MARCHF8: variants seen among roughly 807,000 people sequenced by gnomAD.
MARCHF8 encodes the protein E3 ubiquitin-protein ligase MARCHF8.
Under a neutral mutation model 51.6 loss-of-function variants are expected in MARCHF8, and 40 were observed. The observed-to-expected ratio is 0.77, with a 90% CI of 0.60 to 1.01. The LOEUF is 1.01. Among genes scored for constraint, MARCHF8 ranks in the 50% least tolerant of loss-of-function variants. The probability of loss-of-function intolerance (pLI) is 0.00; values close to 1 mark genes in which losing one functional copy is unlikely to be tolerated. For missense variants in MARCHF8, 685 were observed against 708.6 expected (o/e 0.97, Z 0.38); for synonymous variants, 263 against 280.3 (o/e 0.94, Z 0.62).
At chr10:45,574,602 A>C (rs959815921) in intron 1 of MARCHF8, among the ~76,000 whole-genome samples, 3 of 152,160 alleles carry the variant, frequency 2.0e-5, no homozygotes, top group Non-Finnish European at 4.4e-5. Flanking sequence ...CACCTCAGTC[A>C]AGCCAGTGTT....
chr10:45,576,605 G>A (rs900541277), intron 1 of MARCHF8, among the ~76,000 whole-genome samples: 5 of 151,918 alleles, frequency 3.3e-5, no homozygotes, highest in South Asian at 2.1e-4. Flanking sequence ...GGGTATGAAC[G>A]TGTCCCCAAA....
chr10:45,487,054 G>A (rs543736464), intron 3 of MARCHF8, among the ~76,000 whole-genome samples: 2 of 150,978 alleles, frequency 1.3e-5, no homozygotes, highest in East Asian at 2.0e-4. Flanking sequence ...CAGGTGATCC[G>A]CCCGCTTCAG....
intron 2 of MARCHF8, among the ~76,000 whole-genome samples, chr10:45,512,210 G>A (rs1299178421): frequency 2.7e-5 from 4 of 148,980 alleles, no homozygotes; most frequent in African/African-American, 5.0e-5. Context: ...CCTGGCAACC[G>A]CCCCGTCTGA....
intron 1 of MARCHF8, among the ~76,000 whole-genome samples, chr10:45,553,672 C>T (rs897690780): frequency 1.3e-4 from 20 of 152,000 alleles, no homozygotes; most frequent in Non-Finnish European, 1.5e-5. Context: ...ATGAAATAGA[C>T]AAAAAGGCAT....
intron 1 of MARCHF8, among the ~76,000 whole-genome samples, chr10:45,575,681 A>G (rs571960414): frequency 1.3e-5 from 2 of 152,266 alleles, no homozygotes; most frequent in East Asian, 3.9e-4. Context: ...TATTTTTCTT[A>G]TTAATATAAG....
chr10:45,459,739 C>T, intron 6 of MARCHF8: 1 of 985,470 alleles, frequency 1.0e-6, no homozygotes. Flanking sequence ...AAGACGCTCA[C>T]TCTTTGGTCC....
upstream of MARCHF8, among the ~76,000 whole-genome samples, chr10:45,535,618 A>G (rs1401619931): frequency 1.3e-5 from 2 of 152,244 alleles, no homozygotes; most frequent in East Asian, 3.8e-4. Context: ...TATGCCACAC[A>G]TATTTAGGAT....
intron 2 of MARCHF8, among the ~76,000 whole-genome samples, chr10:45,532,157 C>T (rs1367571934): frequency 6.6e-6 from 1 of 152,092 alleles, no homozygotes; most frequent in Non-Finnish European, 1.5e-5. Context: ...CTTCCCAATA[C>T]CAATAAAAAT....
At chr10:45,520,313 T>C (rs886672877) in intron 2 of MARCHF8, among the ~76,000 whole-genome samples, 1 of 152,242 alleles carries the variant, frequency 6.6e-6, no homozygotes, top group Non-Finnish European at 1.5e-5. Flanking sequence ...AAATACCATA[T>C]GTTGGCCTAC....
rs527591077 is a variant in MARCHF8 at position 45,546,364 on chromosome 10, T to C, written c.-78-13075A>G. 2.6e-5 allele frequency among the ~76,000 whole-genome samples: 4 copies of C among 152,178 alleles called. No individual in the cohort carries two copies. The South Asian group carries it at 8.3e-4, about 32-fold the overall frequency. ...TTTTAGTAGAGACAGGGTTTCACCA[T>C]GTTGGCCAGAGTGATCTCAAACTCC... On this transcript the variant is annotated intron_variant, in intron 1 of 6. Transcript: ENST00000319836.
At chr10:45,459,937 C>G (rs992687291) in intron 6 of MARCHF8, 1 of 971,540 alleles carries the variant, frequency 1.0e-6, no homozygotes, top group African/African-American at 1.8e-5. Flanking sequence ...TGTGTAAACA[C>G]TCTGCACATA....
intron 6 of MARCHF8, among the ~76,000 whole-genome samples, chr10:45,460,431 C>T (rs1842751079): frequency 6.6e-6 from 1 of 152,232 alleles, no homozygotes; most frequent in Admixed American, 6.5e-5. Context: ...TCATAATGAG[C>T]ATTTCCTTTT....
chr10:45,510,101 G>A (rs565169971), intron 2 of MARCHF8, among the ~76,000 whole-genome samples: 1 of 152,090 alleles, frequency 6.6e-6, no homozygotes, highest in Non-Finnish European at 1.5e-5. Context: ...CTAACATCGG[G>A]AGGTTGGAAA....
chr10:45,558,874 T>C (rs773798765), intron 1 of MARCHF8, among the ~76,000 whole-genome samples: 5 of 152,114 alleles, frequency 3.3e-5, no homozygotes, highest in Non-Finnish European at 7.4e-5. Context: ...TTTGAATAAA[T>C]AGAACAGAAC....
chr10:45,592,079 C>T (rs1005371711), intron 1 of MARCHF8, among the ~76,000 whole-genome samples: 2 of 152,214 alleles, frequency 1.3e-5, no homozygotes, highest in African/African-American at 2.4e-5. Flanking sequence ...CCAGTCACAT[C>T]ATCAACCTGG....
At chr10:45,461,670 A>G (rs745650601) in intron 5 of MARCHF8, 23 of 309,512 alleles carry the variant, frequency 7.4e-5, no homozygotes, top group Non-Finnish European at 1.3e-4. Flanking sequence ...CAAAGCTGTC[A>G]TTTTTTGGTA....
At chr10:45,461,136 GA>G in intron 6 of MARCHF8, 94 bp downstream of exon 6, 1 of 948,378 alleles carries the variant, frequency 1.1e-6, no homozygotes. Context: ...TTAAGGAAAT[GA>G]ACGCAGGCAA....
At position 45,454,864 on chromosome 10, in the gene MARCHF8, C is replaced by A. The variant is rs1250927221; in HGVS notation, c.*3375G>T. 1 of 152,222 alleles carries A rather than the reference C, an allele frequency of 6.6e-6. No individual in the cohort carries two copies. The highest frequency in any genetic ancestry group is 2.4e-5 in the African/African-American group (1 of 41,464). The allele number at this position is 152,222 out of a possible 1,614,324, so 9.4% of individuals were successfully genotyped here. A position where few individuals can be genotyped will look rare whatever the true frequency, so the allele number is the denominator to read the frequency against. ...TCTAACTGTGCACTGATCAACTGCA[C>A]AACTTCAACAATTACTTCCAAGACA... On this transcript the variant is annotated 3_prime_UTR_variant, in exon 8 of 8. Transcript: ENST00000453424.
intron 2 of MARCHF8, among the ~76,000 whole-genome samples, chr10:45,496,776 T>A (rs61611997): frequency 0.15 from 22,350 of 151,710 alleles, 1,731 homozygotes; most frequent in Admixed American, 0.23. Context: ...TAGAAAAATA[T>A]ATATATATAT....
Sources: gnomAD v4.1 joint callset for allele counts (sites outside exome capture counted in the v4.1 genomes callset) on GRCh38, gnomAD v4.1.1 for gene constraint, MANE v1.5 for transcripts, NCBI Gene and HGNC (gene_info 2026-07-23, HGNC 2026-07-21) for gene names.